Variants in EMC7 observed in about 807,000 individuals in gnomAD.
EMC7 encodes endoplasmic reticulum membrane protein complex subunit 7.
EMC7 carries 4 observed loss-of-function variants against 24.4 expected under a neutral mutation model. That is an observed-to-expected ratio of 0.16 (90% CI 0.08 to 0.38). EMC7 has a LOEUF of 0.38. Among genes scored for constraint, EMC7 ranks in the 10% least tolerant of loss-of-function variants. The pLI, the probability that EMC7 is intolerant of heterozygous loss-of-function variation, is 1.00. For missense variants in EMC7, 221 were observed against 300.6 expected, an observed-to-expected ratio of 0.74 and a Z score of 1.96; for synonymous variants, 106 against 112.0, an observed-to-expected ratio of 0.95 and a Z score of 0.34.
At chr15:34,101,288 T>C (rs1367067249) in intron 1 of EMC7, among the ~76,000 whole-genome samples, 1 of 152,122 alleles carries the variant, frequency 6.6e-6, no homozygotes, top group Non-Finnish European at 1.5e-5. Flanking sequence ...AACAAGAGAC[T>C]AATAAGGGTC....
At chr15:34,088,251 A>G (rs965171900) in intron 3 of EMC7, 118 bp from the exon 4 acceptor site, 1 of 804,628 alleles carries the variant, frequency 1.2e-6, no homozygotes, top group South Asian at 1.8e-5. Context: ...ATACAATAAC[A>G]CTAGTAGCAA....
At position 34,095,907 on chromosome 15, in the gene EMC7, T is replaced by C. The variant is rs776432477; in HGVS notation, c.344A>G (p.Lys115Arg). ...CAGGTGCCCTCACCTCATTTTTCCT[T>C]TCGAAGTGATATCCACTCGAACGGG... Reference protein sequence around the residue: ...FDPVRVDITSKGKMRARYVNY... With the variant: ...FDPVRVDITSRGKMRARYVNY... Residue 115 changes from lysine to arginine, a missense_variant, in exon 2 of 5, where the codon AAA becomes AGA. Around this residue, in one of 2 missense-constraint regions of EMC7, gnomAD observed 156 missense variants for 177.1 expected, o/e 0.88. Transcript: ENST00000256545. 1.8e-5 allele frequency: 29 copies of C among 1,606,340 alleles called. No individual in the cohort carries two copies. The highest frequency in any genetic ancestry group is 2.3e-5 in the Non-Finnish European group (27 of 1,174,528).
intron 3 of EMC7, 90 bp downstream of exon 3, chr15:34,090,227 C>T: frequency 7.4e-7 from 1 of 1,347,590 alleles, no homozygotes. Flanking sequence ...AATCTGACCT[C>T]AGCTTTCTAT....
chr15:34,089,258 T>C (rs1900940669), intron 3 of EMC7, among the ~76,000 whole-genome samples: 1 of 152,208 alleles, frequency 6.6e-6, no homozygotes, highest in African/African-American at 2.4e-5. Flanking sequence ...TCAACAATAA[T>C]TTATTGTATA....
intron 4 of EMC7, among the ~76,000 whole-genome samples, chr15:34,085,498 CT>C (rs879880058): frequency 1.0e-3 from 146 of 144,706 alleles, no homozygotes; most frequent in Admixed American, 1.0e-3. Flanking sequence ...TTTTTCTTTT[CT>C]TTTTTTTTTT....
At chr15:34,088,916 T>C (rs1335281587) in intron 3 of EMC7, among the ~76,000 whole-genome samples, 1 of 152,126 alleles carries the variant, frequency 6.6e-6, no homozygotes, top group Non-Finnish European at 1.5e-5. Flanking sequence ...AGTGTGGTGG[T>C]GCAATCTTGG....
rs372024875 is a variant in EMC7, at chr15:34,101,553, C to G, written c.236+51G>C. The G allele has an allele frequency of 4.7e-5, 74 of 1,580,954 alleles. No individual in the cohort carries two copies. In the Middle Eastern group the frequency reaches 5.0e-4, roughly 11 times the overall value. Reference sequence around the variant, plus strand: ...GACACTTAACTCTCCTGGTGGGGTCCCTGTCCGGCCTCCATCCCAGCCTTT... The same window carrying G: ...GACACTTAACTCTCCTGGTGGGGTCGCTGTCCGGCCTCCATCCCAGCCTTT... On this transcript the variant is annotated intron_variant, in intron 1 of 4. Coordinates refer to ENST00000256545, the MANE Select transcript of EMC7 (RefSeq NM_020154.3).
Position 34,084,480 on chromosome 15 carries a change from C to T in EMC7, c.583G>A (p.Glu195Lys). ...TSDPDMRREM[E>K]QSMNMLNSNH... Reference sequence around the variant, plus strand: ...GAATTCAGCATATTCATTGACTGCTCCATTTCCTGCAAGAAGACAAGGCAC... The same window carrying T: ...GAATTCAGCATATTCATTGACTGCTTCATTTCCTGCAAGAAGACAAGGCAC... The change falls in exon 5 of 5, where the codon GAG becomes AAG. Residue 195 changes from glutamate (E) to lysine (K), a missense_variant. Glu to Lys is a moderately conservative substitution (Grantham distance 56). Coordinates refer to ENST00000256545, the MANE Select transcript of EMC7 (RefSeq NM_020154.3). 6.2e-7 allele frequency: 1 copy of T among 1,611,444 alleles called. No individual in the cohort carries two copies. The highest frequency in any genetic ancestry group is 2.2e-5 in the East Asian group (1 of 44,780).
intron 2 of EMC7, among the ~76,000 whole-genome samples, chr15:34,092,218 G>A (rs1010142181): frequency 6.7e-6 from 1 of 149,904 alleles, no homozygotes; most frequent in African/African-American, 2.5e-5. Flanking sequence ...TGAGCTGAGG[G>A]TGCACCACTG....
rs758668112 is a variant in EMC7 at position 34,090,350 on chromosome 15, C to A, written c.462G>T (p.Ser154=). The A allele has an allele frequency of 1.2e-6, 2 of 1,613,808 alleles. No homozygotes were observed. Among genetic ancestry groups the A allele is most frequent in the African/African-American group, 2.7e-5 (2 of 74,904 alleles). The change falls in exon 3 of 5, where the codon TCG becomes TCT. Residue 154 remains serine (S), a synonymous_variant. Coordinates refer to ENST00000256545, the MANE Select transcript of EMC7 (RefSeq NM_020154.3). ...TCATTAGAAAGTCTGTCCAGCCCCA[C>A]GATTCCCTTTTAATAAAGTAAGAAG... ...GPPSYFIKRE[S]WGWTDFLMNP...
intron 4 of EMC7, among the ~76,000 whole-genome samples, chr15:34,084,940 G>A (rs998174687): frequency 1.8e-4 from 26 of 147,680 alleles, no homozygotes; most frequent in South Asian, 2.1e-4. Flanking sequence ...GTTCCCTTTC[G>A]TGTGATTCTG....
At chr15:34,097,286 G>C (rs960799171) in intron 1 of EMC7, among the ~76,000 whole-genome samples, 1 of 152,082 alleles carries the variant, frequency 6.6e-6, no homozygotes, top group African/African-American at 2.4e-5. Flanking sequence ...GCCCGCCTCG[G>C]CCTCCCAAAG....
chr15:34,101,061 G>GA (rs59712382), intron 1 of EMC7: 126,712 of 147,842 alleles, frequency 0.86, 55,253 homozygotes, highest in East Asian at 0.96. Context: ...AAAAAAAAAA[G>GA]AAAAAAAAAG....
chr15:34,091,569 C>T (rs1318371806), intron 2 of EMC7, among the ~76,000 whole-genome samples: 1 of 152,150 alleles, frequency 6.6e-6, no homozygotes, highest in Non-Finnish European at 1.5e-5. Flanking sequence ...AGTGTAGGAG[C>T]GTAACTATCA....
At chr15:34,085,304 T>C (rs1006765336) in intron 4 of EMC7, among the ~76,000 whole-genome samples, 2 of 152,188 alleles carry the variant, frequency 1.3e-5, no homozygotes, top group African/African-American at 4.8e-5. Flanking sequence ...TTTTGAGTAT[T>C]TGTCCTCCCC....
At chr15:34,098,150 T>C (rs6495519) in intron 1 of EMC7, among the ~76,000 whole-genome samples, 1 of 152,016 alleles carries the variant, frequency 6.6e-6, no homozygotes, top group Non-Finnish European at 1.5e-5. Flanking sequence ...TTAGTCTATT[T>C]TCCCCCCAGA....
chr15:34,094,701 C>CA (rs11399551), intron 2 of EMC7, among the ~76,000 whole-genome samples: 25,164 of 141,612 alleles, frequency 0.18, 2,443 homozygotes, highest in South Asian at 0.29. Context: ...GACTTTGTCT[C>CA]AAAAAAAAAA....
chr15:34,094,979 C>T (rs1901041506), intron 2 of EMC7, among the ~76,000 whole-genome samples: 1 of 152,162 alleles, frequency 6.6e-6, no homozygotes, highest in Non-Finnish European at 1.5e-5. Context: ...TAGGAGTAAA[C>T]ACTAACTCAA....
chr15:34,093,226 T>G (rs1901006329), intron 2 of EMC7, among the ~76,000 whole-genome samples: 1 of 152,016 alleles, frequency 6.6e-6, no homozygotes, highest in Non-Finnish European at 1.5e-5. Flanking sequence ...GATCATGATG[T>G]CAAGAGATCG....
Sources: gnomAD v4.1 joint callset for allele counts (sites outside exome capture counted in the v4.1 genomes callset) on GRCh38, gnomAD v4.1.1 for gene constraint, gnomAD v4.1.1 regional missense constraint, MANE v1.5 for transcripts, NCBI Gene and HGNC (gene_info 2026-07-23, HGNC 2026-07-21) for gene names.